The following CTTNBP2 variants were observed in gnomAD, a reference collection of about 807,000 sequenced individuals.
CTTNBP2 encodes the protein cortactin binding protein 2, also known as cortactin-binding protein 2.
CTTNBP2 carries 108 observed loss-of-function variants against 156.9 expected under a neutral mutation model. The observed-to-expected ratio is 0.69, with a 90% confidence interval of 0.59 to 0.81. The LOEUF is 0.81. CTTNBP2 is among the 30% of genes least tolerant of loss of function. CTTNBP2 has a pLI of 0.00. For synonymous variants in CTTNBP2, 767 were observed against 751.8 expected (o/e 1.02, Z -0.33); for missense variants, 1,924 against 2,035.4 (o/e 0.95, Z 1.05).
At position 117,792,257 on chromosome 7, in the gene CTTNBP2, T is replaced by C. The variant is rs969693026; in HGVS notation, c.939A>G (p.Thr313=). Residue 313 remains threonine (T), a synonymous_variant, in exon 4 of 23, where the codon ACA becomes ACG. Transcript: ENST00000160373. This position sits in a 1 kb window ranked among gnomAD's most constrained non-coding sequence, Gnocchi z 4.2. Reference sequence around the variant, plus strand: ...ACTTTTTCATGTGGTCAGCATTTTCTGTCACTAGGTCTGTCTGGCATGCAA... The same window carrying C: ...ACTTTTTCATGTGGTCAGCATTTTCCGTCACTAGGTCTGTCTGGCATGCAA... ...RSVACQTDLV[T]ENADHMKKLP... The C allele has an allele frequency of 1.9e-6, 3 of 1,614,126 alleles. No individual in the cohort carries two copies. The African/African-American group carries it at 4.0e-5, about 22-fold the overall frequency.
intron 12 of CTTNBP2, among the ~76,000 whole-genome samples, chr7:117,749,748 T>C (rs779680037): frequency 1.3e-5 from 2 of 152,048 alleles, no homozygotes; most frequent in Non-Finnish European, 2.9e-5. Flanking sequence ...AGAGGAAGGA[T>C]GATAATATTT....
At chr7:117,734,290 A>G (rs1314765832) in intron 16 of CTTNBP2, among the ~76,000 whole-genome samples, 1 of 152,256 alleles carries the variant, frequency 6.6e-6, no homozygotes, top group Non-Finnish European at 1.5e-5. Flanking sequence ...TGCAGGATTA[A>G]ATGAGAAAAT....
intron 2 of CTTNBP2, among the ~76,000 whole-genome samples, chr7:117,819,448 A>T (rs1392329455): frequency 6.6e-6 from 1 of 151,882 alleles, no homozygotes; most frequent in Non-Finnish European, 1.5e-5. Context: ...TGGAATAGCA[A>T]TATAAAAGTT....
At position 117,871,898 on chromosome 7, in the gene CTTNBP2, TC is replaced by T. The variant is rs964378467; in HGVS notation, c.81+1436del. Reference sequence around the variant, plus strand: ...CACCCTCTTTCTTTTTCCTCGTCCTTCCCCTTCCCACCTTTTGGGGATGAAG... The same window carrying T: ...CACCCTCTTTCTTTTTCCTCGTCCTTCCCTTCCCACCTTTTGGGGATGAAG... On this transcript the variant is annotated intron_variant, in intron 1 of 22. Transcript: ENST00000160373. The T allele has an allele frequency of 4.3e-6, 4 of 937,076 alleles. No homozygotes were observed. The African/African-American group carries it at 9.6e-5, about 23-fold the overall frequency. The allele number at this position is 937,076 out of a possible 1,614,324, so 58.0% of individuals were successfully genotyped here. A position where few individuals can be genotyped will look rare whatever the true frequency, so the allele number is the denominator to read the frequency against.
intron 16 of CTTNBP2, among the ~76,000 whole-genome samples, chr7:117,732,874 A>G (rs1336405858): frequency 1.3e-5 from 2 of 152,134 alleles, no homozygotes; most frequent in African/African-American, 2.4e-5. Context: ...TCACTGTACT[A>G]TCTGAGGCTT....
chr7:117,832,535 A>AT (rs150586583), intron 2 of CTTNBP2, among the ~76,000 whole-genome samples: 13,205 of 147,868 alleles, frequency 0.089, 709 homozygotes, highest in African/African-American at 0.15. Flanking sequence ...CTCTACTCTC[A>AT]TTTTTTTTTT....
chr7:117,758,823 T>C (rs1471164121), intron 10 of CTTNBP2, among the ~76,000 whole-genome samples: 1 of 152,256 alleles, frequency 6.6e-6, no homozygotes. Flanking sequence ...TAGGGTGCTC[T>C]ATACCTCTGA....
At chr7:117,827,580 G>A (rs1297871854) in intron 2 of CTTNBP2, among the ~76,000 whole-genome samples, 2 of 152,180 alleles carry the variant, frequency 1.3e-5, no homozygotes, top group Admixed American at 6.6e-5. Context: ...AGAGAATGCA[G>A]GAAGTTTCCC....
chr7:117,813,165 C>A (rs1318497315), intron 2 of CTTNBP2, among the ~76,000 whole-genome samples: 1 of 152,128 alleles, frequency 6.6e-6, no homozygotes, highest in Non-Finnish European at 1.5e-5. Flanking sequence ...TATTTAAAGT[C>A]TATTCTTTTC....
Position 117,861,311 on chromosome 7 carries a change from T to C in CTTNBP2, c.87A>G (p.Lys29=). The C allele has an allele frequency of 6.2e-7, 1 of 1,608,504 alleles. No individual in the cohort carries two copies. Among genetic ancestry groups the C allele is most frequent in the Non-Finnish European group, 8.5e-7 (1 of 1,176,350 alleles). ...TACTGAGAGTATCCACATCAAACTC[T>C]TTTTTCTGTAACACATAAAAAAATA... ...AAGAAAEAAK[K]EFDVDTLSKS... Residue 29 remains lysine (K), a synonymous_variant, in exon 2 of 23, where the codon AAA becomes AAG. Transcript: ENST00000160373.
chr7:117,861,160 A>G, intron 2 of CTTNBP2, 49 bp downstream of exon 2: 2 of 1,192,778 alleles, frequency 1.7e-6, no homozygotes, highest in South Asian at 2.7e-5. Context: ...TGGCTCTTTG[A>G]AAAAAGCAAA....
In CTTNBP2 at chr7:117,711,600, GT is replaced by G; in HGVS notation, c.4928del (p.Asn1643ThrfsTer6). The G allele has an allele frequency of 6.2e-7, 1 of 1,613,910 alleles. No individual in the cohort carries two copies. On this transcript the variant is annotated frameshift_variant, in exon 23 of 23. Coordinates refer to ENST00000160373, the MANE Select transcript of CTTNBP2 (RefSeq NM_033427.3). LOFTEE classifies it high-confidence loss of function. ...SSNTRQIEINNNSKEVNWNLH... is the reference protein window; with the variant it reads ...SSNTRQIEINXNSKEVNWNLH... ...AGTTCCAATTCACTTCTTTTGAGTT[GT>G]TGTTGATTTCTATTTGCCTTGTATT...
chr7:117,810,803 A>C lies in CTTNBP2; in HGVS notation c.376T>G (p.Ser126Ala), dbSNP rs753018654. The change falls in exon 3 of 23, where the codon TCC (serine) becomes GCC (alanine). Residue 126 changes from serine to alanine, a missense_variant. Coordinates refer to ENST00000160373, the MANE Select transcript of CTTNBP2 (RefSeq NM_033427.3). ...AHCKKMQERM[S>A]AQLAAAESRQ... Reference sequence around the variant, plus strand: ...CTCTCAGCAGCAGCCAGCTGTGCGGACATCCTTTCTTGCATTTTCTTGCAG... The same window carrying C: ...CTCTCAGCAGCAGCCAGCTGTGCGGCCATCCTTTCTTGCATTTTCTTGCAG... 3.1e-6 allele frequency: 5 copies of C among 1,613,658 alleles called. No homozygotes were observed. In the African/African-American group the frequency reaches 6.7e-5, roughly 22 times the overall value.
chr7:117,745,936 A>C lies in CTTNBP2; in HGVS notation c.3436-6T>G, dbSNP rs1796307383. ...CCTGCAGCCATTTGTCTGTGCTGTG[A>C]TAAGAAAATAGGGTGATTAGTTCTA... On this transcript the variant is annotated splice_polypyrimidine_tract_variant and splice_region_variant and intron_variant, in intron 13 of 22. Transcript: ENST00000160373. The C allele has an allele frequency of 6.2e-7, 1 of 1,613,648 alleles. No homozygotes were observed. Among genetic ancestry groups the C allele is most frequent in the Non-Finnish European group, 8.5e-7 (1 of 1,179,636 alleles).
At chr7:117,772,785 G>A (rs1797863844) in intron 8 of CTTNBP2, among the ~76,000 whole-genome samples, 1 of 152,120 alleles carries the variant, frequency 6.6e-6, no homozygotes, top group Non-Finnish European at 1.5e-5. Flanking sequence ...AAAGTTCAGA[G>A]TGACGAGAAA....
chr7:117,757,351 A>G (rs1159656752), intron 11 of CTTNBP2, among the ~76,000 whole-genome samples: 1 of 152,052 alleles, frequency 6.6e-6, no homozygotes, highest in Non-Finnish European at 1.5e-5. Context: ...TCAGAGCCTC[A>G]ATTTCCTTGG....
chr7:117,819,367 T>TCTCTCTCTCTCTCACA (rs1236694379), intron 2 of CTTNBP2, among the ~76,000 whole-genome samples: 3 of 130,706 alleles, frequency 2.3e-5, no homozygotes, highest in Admixed American at 1.7e-4. Flanking sequence ...TCTCTCTCTC[T>TCTCTCTCTCTCTCACA]CACACACACA....
chr7:117,790,529 G>A (rs1186846744), intron 4 of CTTNBP2, among the ~76,000 whole-genome samples: 1 of 145,972 alleles, frequency 6.9e-6, no homozygotes, highest in East Asian at 1.9e-4. Context: ...CACTAAATAG[G>A]GTACATGGCT....
At chr7:117,767,368 T>A (rs1797541682) in intron 8 of CTTNBP2, among the ~76,000 whole-genome samples, 192 bp from the exon 9 acceptor site, 2 of 152,048 alleles carry the variant, frequency 1.3e-5, no homozygotes, top group African/African-American at 4.8e-5. Context: ...AAACAAAGAG[T>A]GCTTATTTAA....
Sources: allele counts gnomAD v4.1 joint callset (sites outside exome capture counted in the v4.1 genomes callset), GRCh38; gene constraint gnomAD v4.1.1; non-coding constraint Gnocchi (gnomAD v3.1); transcripts MANE v1.5; gene names NCBI Gene and HGNC (gene_info 2026-07-23, HGNC 2026-07-21).